The following STPG2 variants were observed in gnomAD, a reference collection of about 807,000 sequenced individuals.
STPG2 encodes the protein sperm-tail PG-rich repeat-containing protein 2.
Under a neutral mutation model 54.2 loss-of-function variants are expected in STPG2, and 56 were observed. That is an observed-to-expected ratio of 1.03 (90% CI 0.83 to 1.29). The LOEUF (loss-of-function observed/expected upper bound fraction) is 1.29. STPG2 is among the 50% of genes most tolerant of loss of function. STPG2 has a pLI of 0.00. For synonymous variants in STPG2, 200 were observed against 181.8 expected (o/e 1.10, Z -0.81); for missense variants, 596 against 544.9 (o/e 1.09, Z -0.93).
At chr4:97,622,219 G>A (rs183827832) in intron 10 of STPG2, among the ~76,000 whole-genome samples, 8 of 152,200 alleles carry the variant, frequency 5.3e-5, no homozygotes, top group Admixed American at 4.6e-4. Flanking sequence ...ACTGGAACAA[G>A]ACAAGGATGT....
chr4:97,465,220 G>A (rs1440722310), intron 4 of STPG2, among the ~76,000 whole-genome samples: 1 of 152,140 alleles, frequency 6.6e-6, no homozygotes, highest in Non-Finnish European at 1.5e-5. Flanking sequence ...TGGATCCAAT[G>A]GCTTCAACTC....
At chr4:97,575,834 C>T (rs1253451749) in intron 10 of STPG2, among the ~76,000 whole-genome samples, 1 of 152,108 alleles carries the variant, frequency 6.6e-6, no homozygotes, top group Non-Finnish European at 1.5e-5. Context: ...TATCTCTTTT[C>T]ACTGACAATA....
intron 10 of STPG2, among the ~76,000 whole-genome samples, chr4:97,675,911 T>C (rs1722823794): frequency 6.8e-6 from 1 of 146,616 alleles, no homozygotes; most frequent in South Asian, 2.1e-4. Context: ...ATATATATAG[T>C]GTATATATAT....
intron 9 of STPG2, among the ~76,000 whole-genome samples, chr4:97,800,856 T>C (rs2149089594): frequency 6.6e-6 from 1 of 152,190 alleles, no homozygotes; most frequent in South Asian, 2.1e-4. Context: ...GGCCACTTTG[T>C]TTACCTACTC....
intron 8 of STPG2, among the ~76,000 whole-genome samples, chr4:97,918,542 C>G (rs552841189): frequency 6.6e-6 from 1 of 151,694 alleles, no homozygotes; most frequent in East Asian, 1.9e-4. Context: ...TTTTAATTTT[C>G]ACCAGGAAAT....
intron 10 of STPG2, among the ~76,000 whole-genome samples, chr4:97,703,439 T>C (rs1013207056): frequency 1.4e-5 from 2 of 143,272 alleles, no homozygotes; most frequent in Non-Finnish European, 3.0e-5. Context: ...TAATATGATA[T>C]ATGCTATATA....
At chr4:97,862,654 C>T (rs957702569) in intron 8 of STPG2, among the ~76,000 whole-genome samples, 1 of 152,154 alleles carries the variant, frequency 6.6e-6, no homozygotes, top group Non-Finnish European at 1.5e-5. Context: ...TTCTTCTCAG[C>T]ACCACACCAC....
At chr4:97,680,761 C>T (rs1723008170) in intron 10 of STPG2, among the ~76,000 whole-genome samples, 2 of 151,520 alleles carry the variant, frequency 1.3e-5, no homozygotes, top group South Asian at 4.2e-4. Flanking sequence ...CAGGTGGACC[C>T]CCTTTGTCTG....
chr4:97,862,265 T>C (rs1277243058), intron 8 of STPG2, among the ~76,000 whole-genome samples: 3 of 149,738 alleles, frequency 2.0e-5, no homozygotes, highest in African/African-American at 7.4e-5. Flanking sequence ...ACCAAGCAAA[T>C]GAAAAACAAA....
intron 8 of STPG2, among the ~76,000 whole-genome samples, chr4:97,892,716 C>T (rs1730819356): frequency 6.6e-6 from 1 of 152,194 alleles, no homozygotes; most frequent in South Asian, 2.1e-4. Flanking sequence ...TGAGCACATG[C>T]ACCAACCACA....
At chr4:97,922,315 A>G (rs1017186644) in intron 8 of STPG2, among the ~76,000 whole-genome samples, 1 of 151,746 alleles carries the variant, frequency 6.6e-6, no homozygotes, top group East Asian at 1.9e-4. Context: ...AAAGCTGGAG[A>G]AAAAAAGGAA....
intron 9 of STPG2, among the ~76,000 whole-genome samples, chr4:97,797,350 G>A (rs1727229499): frequency 6.6e-6 from 1 of 152,110 alleles, no homozygotes; most frequent in African/African-American, 2.4e-5. Context: ...TTATTATTTT[G>A]AGACATGCCC....
At position 97,457,516 on chromosome 4, in the gene STPG2, T is replaced by C. The variant is rs148148126; in HGVS notation, c.462+255183A>G. ...AAATATTTTCATTGTCATGCTTCCA[T>C]GAACACCTTATATAAGTTTTCACCT... On this transcript the variant is annotated intron_variant, in intron 4 of 4. Coordinates refer to the STPG2 transcript ENST00000522676. 1.8e-3 allele frequency among the ~76,000 whole-genome samples: 278 copies of C among 152,322 alleles called. 1 individual carries two copies. Among genetic ancestry groups the C allele is most frequent in the African/African-American group, 6.4e-3 (265 of 41,578 alleles).
chr4:97,718,663 C>T (rs757393256), intron 9 of STPG2, among the ~76,000 whole-genome samples: 3 of 152,012 alleles, frequency 2.0e-5, no homozygotes, highest in African/African-American at 7.2e-5. Context: ...TTAGATTAAC[C>T]ATTGAATATT....
intron 1 of STPG2, 48 bp downstream of exon 1, chr4:98,142,994 G>GA: frequency 6.6e-7 from 1 of 1,511,052 alleles, no homozygotes; most frequent in African/African-American, 1.4e-5. Flanking sequence ...GGAGCAGGCT[G>GA]AAGATAGGAT....
chr4:97,564,105 A>G (rs945963308), intron 10 of STPG2, among the ~76,000 whole-genome samples: 5 of 152,166 alleles, frequency 3.3e-5, no homozygotes, highest in Non-Finnish European at 7.3e-5. Flanking sequence ...TGCTTTATGA[A>G]TGTAGGTGCT....
chr4:97,785,321 G>A (rs968806901), intron 9 of STPG2, among the ~76,000 whole-genome samples: 4 of 151,898 alleles, frequency 2.6e-5, no homozygotes, highest in Admixed American at 6.6e-5. Flanking sequence ...ATATTATAAA[G>A]ATGTACTAAG....
intron 7 of STPG2, among the ~76,000 whole-genome samples, chr4:97,962,361 A>T (rs1032590488): frequency 3.3e-5 from 5 of 151,478 alleles, no homozygotes; most frequent in Non-Finnish European, 7.4e-5. Context: ...GTGGAAATTT[A>T]AAAAAAAATT....
intron 9 of STPG2, among the ~76,000 whole-genome samples, chr4:97,736,961 C>G (rs1386261627): frequency 1.3e-5 from 2 of 152,194 alleles, no homozygotes; most frequent in Non-Finnish European, 2.9e-5. Flanking sequence ...AGGCACCCCC[C>G]AGTAGGGGCA....
Sources: gnomAD v4.1 joint callset for allele counts (sites outside exome capture counted in the v4.1 genomes callset) on GRCh38, gnomAD v4.1.1 for gene constraint, MANE v1.5 for transcripts, NCBI Gene and HGNC (gene_info 2026-07-23, HGNC 2026-07-21) for gene names.